The following CHD8 variants were observed in gnomAD, a reference collection of about 807,000 sequenced individuals.
The protein encoded by CHD8 is chromodomain helicase DNA binding protein 8.
Under a neutral mutation model 279.2 loss-of-function variants are expected in CHD8, and 31 were observed. That is an observed-to-expected ratio of 0.11 (90% confidence interval 0.08 to 0.15). The LOEUF (loss-of-function observed/expected upper bound fraction) is 0.15. Ranked by LOEUF, CHD8 falls within the 10% of genes least tolerant of loss-of-function variation. The pLI is 1.00. For synonymous variants in CHD8, 1,081 were observed against 1,139.6 expected (o/e 0.95, Z 1.04); for missense variants, 2,146 against 3,230.5 (o/e 0.66, Z 8.14).
intron 37 of CHD8, among the ~76,000 whole-genome samples, chr14:21,390,394 A>G (rs1445154547): frequency 6.6e-6 from 1 of 152,164 alleles, no homozygotes; most frequent in Non-Finnish European, 1.5e-5. Context: ...TAATTCTTAA[A>G]TTTTCATATG....
At chr14:21,429,661 TG>T in intron 2 of CHD8, 3 of 410,280 alleles carry the variant, frequency 7.3e-6, no homozygotes, top group South Asian at 5.8e-5. Context: ...CCCTTGCTCC[TG>T]GGAGGTCACC....
At position 21,388,341 on chromosome 14, in the gene CHD8, CAA is replaced by C. The variant is rs199988870; in HGVS notation, c.7183-2167_7183-2166del. ...AAAACAACAAGAAACTAAAAAATAA[CAA>C]GAGAAAATACTACAGATTTTAAAAC... On this transcript the variant is annotated intron_variant, in intron 37 of 37. Coordinates refer to ENST00000646647, the MANE Select transcript of CHD8 (RefSeq NM_001170629.2). Among the ~76,000 whole-genome samples, 1,440 of 152,006 alleles carry C rather than the reference CAA, an allele frequency of 9.5e-3. 10 individuals carry two copies. Among genetic ancestry groups the C allele is most frequent in the Middle Eastern group, 0.031 (9 of 294 alleles).
In CHD8 at chr14:21,408,794, A is replaced by G. The variant is rs746172102; in HGVS notation, c.2396T>C (p.Leu799Ser). 1 of 1,609,620 alleles carries G rather than the reference A, an allele frequency of 6.2e-7. No homozygotes were observed. Among genetic ancestry groups the G allele is most frequent in the Admixed American group, 1.7e-5 (1 of 59,386 alleles). Residue 799 changes from leucine (L) to serine (S), a missense_variant, in exon 12 of 38, where the codon TTG becomes TCG. Physicochemically the swap from Leu to Ser is moderately radical, Grantham distance 145 (BLOSUM62 -2). This residue lies in a region of CHD8 where 211 missense variants were observed against 464.7 expected (regional missense o/e 0.45). Coordinates refer to ENST00000646647, the MANE Select transcript of CHD8 (RefSeq NM_001170629.2). The surrounding 1 kb of genome is among the most constrained non-coding windows in gnomAD (Gnocchi z 4.3). Reference sequence around the variant, plus strand: ...GTTTTTATATTCATGTGATAGCTCCAATTTCTTCCAGGCACTTGCCTGCGG... The same window carrying G: ...GTTTTTATATTCATGTGATAGCTCCGATTTCTTCCAGGCACTTGCCTGCGG... ...NRPQASAWKKLELSHEYKNRN... is the reference protein window; with the variant it reads ...NRPQASAWKKSELSHEYKNRN...
intron 3 of CHD8, 28 bp from the exon 4 acceptor site, chr14:21,428,282 A>G (rs1053479484): frequency 6.2e-7 from 1 of 1,602,246 alleles, no homozygotes; most frequent in African/African-American, 1.3e-5. Context: ...CTACAATTTC[A>G]ACTTGCTTGT....
intron 34 of CHD8, 21 bp downstream of exon 34, chr14:21,392,486 A>G: frequency 6.3e-7 from 1 of 1,598,136 alleles, no homozygotes; most frequent in East Asian, 2.2e-5. Flanking sequence ...CCACTTCCCA[A>G]TGCCCAAATG....
rs781129091 is a variant in CHD8 at position 21,402,023 on chromosome 14, C to T, written c.3996G>A (p.Gln1332=). 11 of 1,613,790 alleles carry T rather than the reference C, an allele frequency of 6.8e-6. No individual in the cohort carries two copies. The South Asian group carries it at 1.1e-4, about 16-fold the overall frequency. The change falls in exon 20 of 38, where the codon CAG becomes CAA. Residue 1332 remains glutamine, a synonymous_variant. Coordinates refer to ENST00000646647, the MANE Select transcript of CHD8 (RefSeq NM_001170629.2). The surrounding 1 kb of genome is among the most constrained non-coding windows in gnomAD (Gnocchi z 4.5). ...GSKFCEEDID[Q]ILLRRTTTIT... is the part of the protein sequence containing the mutation. Reference sequence around the variant, plus strand: ...TGGTTGTAGTTCGTCTTAACAAGATCTGGTCAATGTCCTCTTCACAAAACT... The same window carrying T: ...TGGTTGTAGTTCGTCTTAACAAGATTTGGTCAATGTCCTCTTCACAAAACT...
rs746319856 is a variant in CHD8 at position 21,394,313 on chromosome 14, G to A, written c.5563C>T (p.Arg1855Cys). 5.6e-6 allele frequency: 9 copies of A among 1,613,820 alleles called. No homozygotes were observed. Among genetic ancestry groups the A allele is most frequent in the South Asian group, 5.5e-5 (5 of 91,068 alleles). The part of the protein sequence containing the change: ...KYFHGFVAMC[R>C]QVCRLPPAAG... The stretch of plus-strand genomic sequence containing the variant: ...GCTGGGGGAAGGCGGCATACTTGGC[G>A]GCACATGGCCACAAAGCCATGGAAG... Residue 1855 changes from arginine to cysteine, a missense_variant, in exon 31 of 38, where the codon CGC (arginine) becomes TGC (cysteine). Physicochemically the swap from Arg to Cys is radical, Grantham distance 180. Coordinates refer to ENST00000646647, the MANE Select transcript of CHD8 (RefSeq NM_001170629.2).
chr14:21,411,070 CATT>C (rs780161197), intron 10 of CHD8, among the ~76,000 whole-genome samples: 1 of 152,104 alleles, frequency 6.6e-6, no homozygotes, highest in Non-Finnish European at 1.5e-5. Flanking sequence ...AGTATGAAAA[CATT>C]ATCATCTGTC....
chr14:21,429,372 T>G (rs1889465583), intron 2 of CHD8, 37 bp from the exon 3 acceptor site: 1 of 1,593,228 alleles, frequency 6.3e-7, no homozygotes, highest in South Asian at 1.1e-5. Flanking sequence ...AGTACAACAT[T>G]AAAGAATGGT....
intron 1 of CHD8, among the ~76,000 whole-genome samples, chr14:21,432,097 G>C (rs1889589202): frequency 6.6e-6 from 1 of 152,096 alleles, no homozygotes; most frequent in South Asian, 2.1e-4. Context: ...AAACTTTAAA[G>C]ACTCTGTCAA....
At chr14:21,391,330 G>A in intron 36 of CHD8, 133 bp downstream of exon 36, 1 of 851,866 alleles carries the variant, frequency 1.2e-6, no homozygotes, top group Non-Finnish European at 1.8e-6. Context: ...TTGGAAGACT[G>A]GGTATTATTA....
intron 1 of CHD8, among the ~76,000 whole-genome samples, chr14:21,435,933 T>C (rs1350320530): frequency 2.6e-5 from 4 of 152,220 alleles, no homozygotes; most frequent in African/African-American, 9.6e-5. Context: ...GAGTTTATCA[T>C]CATTTACTGT....
intron 5 of CHD8, chr14:21,425,829 G>A (rs547629239): frequency 3.7e-5 from 10 of 271,740 alleles, no homozygotes; most frequent in Admixed American, 2.1e-4. Flanking sequence ...CCAGTTACTC[G>A]GGAGGCTAAG....
intron 1 of CHD8, among the ~76,000 whole-genome samples, chr14:21,434,016 T>C (rs1014578833): frequency 1.3e-5 from 2 of 150,984 alleles, no homozygotes; most frequent in South Asian, 2.1e-4. Flanking sequence ...CTAGGAGTAA[T>C]ATAAAAACAA....
At position 21,431,590 on chromosome 14, in the gene CHD8, G is replaced by A; in HGVS notation, c.54C>T (p.Asp18=). 1 of 1,537,294 alleles carries A rather than the reference G, an allele frequency of 6.5e-7. No individual in the cohort carries two copies. The highest frequency in any genetic ancestry group is 8.7e-7 in the Non-Finnish European group (1 of 1,146,880). Residue 18 remains aspartate (D), a synonymous_variant, in exon 2 of 38, where the codon GAC becomes GAT. Transcript: ENST00000646647. ...GGTTAAAGCTGTCATCAGTCAGAGAGTCCAGGCCAAATAAATTTGGGTCAT... is the reference window on the plus strand; with the variant it reads ...GGTTAAAGCTGTCATCAGTCAGAGAATCCAGGCCAAATAAATTTGGGTCAT... ...LFDDPNLFGL[D]SLTDDSFNQV... is the part of the protein sequence containing the mutation.
At chr14:21,438,512 T>TAAAAAAA (rs559681631) in intron 1 of CHD8, among the ~76,000 whole-genome samples, 2 of 112,480 alleles carry the variant, frequency 1.8e-5, no homozygotes, top group African/African-American at 6.9e-5. Flanking sequence ...CCTAGTCTCT[T>TAAAAAAA]AAAAAAAAAA....
chr14:21,408,272 C>T lies in CHD8; in HGVS notation c.2730+40G>A. ...TTAAAATACCAGGTACCTTGGCCGA[C>T]TTTCTCTAACTCATAGTATTCCCAA... On this transcript the variant is annotated intron_variant, in intron 13 of 37. Coordinates refer to ENST00000646647, the MANE Select transcript of CHD8 (RefSeq NM_001170629.2). The surrounding 1 kb of genome is among the most constrained non-coding windows in gnomAD (Gnocchi z 4.3). The T allele has an allele frequency of 6.3e-7, 1 of 1,593,228 alleles. No individual in the cohort carries two copies. The highest frequency in any genetic ancestry group is 8.6e-7 in the Non-Finnish European group (1 of 1,169,096).
At chr14:21,451,290 C>T (rs1355515809) in intron 1 of CHD8, among the ~76,000 whole-genome samples, 1 of 152,100 alleles carries the variant, frequency 6.6e-6, no homozygotes, top group Admixed American at 6.6e-5. Flanking sequence ...TAATTATCGG[C>T]TGGGTGCGGT....
rs544097779 is a variant in CHD8 at position 21,394,356 on chromosome 14, A to T, written c.5520T>A (p.Asp1840Glu). ...CATGGAAGTACTTGGTAAGGCTTTC[A>T]TCTGTCTTTTTGTCTAGTCGAGCAA... is the stretch of plus-strand genomic sequence containing the variant. Reference protein sequence around the residue: ...RTFARLDKKTDESLTKYFHGF... With the variant: ...RTFARLDKKTEESLTKYFHGF... Residue 1840 changes from aspartate (D) to glutamate (E), a missense_variant, in exon 31 of 38, where the codon GAT becomes GAA. By Grantham distance (45) the Asp-to-Glu change is conservative. Transcript: ENST00000646647. The T allele has an allele frequency of 6.2e-7, 1 of 1,613,992 alleles. No individual in the cohort carries two copies. The highest frequency in any genetic ancestry group is 8.5e-7 in the Non-Finnish European group (1 of 1,179,884).
Sources: gnomAD v4.1 joint callset for allele counts (sites outside exome capture counted in the v4.1 genomes callset) on GRCh38, gnomAD v4.1.1 for gene constraint, gnomAD v4.1.1 regional missense constraint, Gnocchi (gnomAD v3.1) non-coding constraint, MANE v1.5 for transcripts, NCBI Gene and HGNC (gene_info 2026-07-23, HGNC 2026-07-21) for gene names.